GPHN: variants seen among roughly 807,000 people sequenced by gnomAD.
GPHN encodes gephyrin.
In GPHN, 17 loss-of-function variants were observed where a neutral mutation model predicts 95.5. The observed-to-expected ratio is 0.18, with a 90% confidence interval of 0.12 to 0.27. The LOEUF is 0.27. Ranked by LOEUF, GPHN falls within the 10% of genes least tolerant of loss-of-function variation. The probability of loss-of-function intolerance (pLI) is 1.00; values close to 1 mark genes in which losing one functional copy is unlikely to be tolerated. For synonymous variants in GPHN, 320 were observed against 322.5 expected (o/e 0.99, Z 0.08); for missense variants, 660 against 978.1 (o/e 0.67, Z 4.34).
At chr14:67,578,520 T>A in the GPHN span, 1 of 1,586,182 alleles carries the variant, frequency 6.3e-7, no homozygotes, top group Non-Finnish European at 8.6e-7. The surrounding 1 kb of genome is among the most constrained non-coding windows in gnomAD (Gnocchi z 5.0). Context: ...CCACGCTGTC[T>A]GTGTCCCTGG....
chr14:66,892,865 CTTAAAA>C (rs1397795019), intron 5 of GPHN, among the ~76,000 whole-genome samples: 3 of 152,108 alleles, frequency 2.0e-5, no homozygotes, highest in Admixed American at 6.6e-5. Flanking sequence ...GAATTGTATA[CTTAAAA>C]TTAGTTAGAA....
At chr14:67,063,805 T>C (rs1213133325) in intron 11 of GPHN, among the ~76,000 whole-genome samples, 1 of 152,252 alleles carries the variant, frequency 6.6e-6, no homozygotes, top group Non-Finnish European at 1.5e-5. Flanking sequence ...TTGCTGAAGT[T>C]GCTTATCAGC....
chr14:67,329,963 GTTC>G, the GPHN span, among the ~76,000 whole-genome samples: 2 of 151,282 alleles, frequency 1.3e-5, no homozygotes, highest in South Asian at 2.1e-4. Flanking sequence ...CTCTGAATCT[GTTC>G]TTCTAGTATT....
chr14:67,003,012 A>G (rs1038034644), intron 9 of GPHN, among the ~76,000 whole-genome samples: 1 of 151,580 alleles, frequency 6.6e-6, no homozygotes, highest in Non-Finnish European at 1.5e-5. Flanking sequence ...GTCATTGTAA[A>G]GGATATAGAA....
In GPHN at chr14:67,049,806, C is replaced by T. The variant is rs60003073; in HGVS notation, c.1007-8843C>T. On this transcript the variant is annotated intron_variant, in intron 10 of 22. Transcript: ENST00000478722. ...GATTACAGGCGTGAGCCACCGCGCC[C>T]GGCTGAAGTAGGTTTTTTTATTGGC... Among the ~76,000 whole-genome samples the T allele has an allele frequency of 5.5e-3, 835 of 152,260 alleles. 8 individuals are homozygous for T. The highest frequency in any genetic ancestry group is 0.019 in the African/African-American group (777 of 41,554).
intron 1 of GPHN, among the ~76,000 whole-genome samples, chr14:66,537,196 A>G (rs1280582258): frequency 6.6e-6 from 1 of 152,036 alleles, no homozygotes; most frequent in Non-Finnish European, 1.5e-5. Context: ...TAGTTTGACA[A>G]TCTTTGTGCT....
At chr14:67,590,381 T>A in the GPHN span, among the ~76,000 whole-genome samples, 1 of 151,408 alleles carries the variant, frequency 6.6e-6, no homozygotes, top group Admixed American at 6.6e-5. Flanking sequence ...GCCTCCCGAG[T>A]AGCTGGGATT....
At chr14:67,498,435 A>G in the GPHN span, among the ~76,000 whole-genome samples, 1 of 152,216 alleles carries the variant, frequency 6.6e-6, no homozygotes, top group South Asian at 2.1e-4. Context: ...ACAGTATTAT[A>G]ACTAACTTTC....
the GPHN span, among the ~76,000 whole-genome samples, chr14:67,734,663 G>A: frequency 6.6e-6 from 1 of 152,218 alleles, no homozygotes; most frequent in Non-Finnish European, 1.5e-5. Flanking sequence ...ATCCATCTGA[G>A]TTAGGCAGAC....
chr14:67,687,336 C>T, the GPHN span, among the ~76,000 whole-genome samples: 4 of 152,188 alleles, frequency 2.6e-5, no homozygotes, highest in East Asian at 7.7e-4. Context: ...CCTCACCAGT[C>T]TCAGCTCAGA....
At chr14:67,347,970 G>A in the GPHN span, among the ~76,000 whole-genome samples, 1 of 151,050 alleles carries the variant, frequency 6.6e-6, no homozygotes, top group East Asian at 1.9e-4. Context: ...GCAGTGCAGT[G>A]GTGTGGTCTT....
chr14:67,375,776 T>G, the GPHN span, among the ~76,000 whole-genome samples: 1 of 152,232 alleles, frequency 6.6e-6, no homozygotes, highest in South Asian at 2.1e-4. Context: ...CATCACCTGT[T>G]TTTTTAGAAA....
chr14:66,993,633 C>G (rs1161091854), intron 9 of GPHN, among the ~76,000 whole-genome samples: 1 of 152,084 alleles, frequency 6.6e-6, no homozygotes, highest in Non-Finnish European at 1.5e-5. Flanking sequence ...CCTTAAAAAT[C>G]TAAATGGTAT....
chr14:67,020,944 C>T (rs1270609700), intron 9 of GPHN, among the ~76,000 whole-genome samples: 3 of 151,770 alleles, frequency 2.0e-5, no homozygotes, highest in Admixed American at 6.6e-5. Context: ...AAGAAAAAAA[C>T]GAGAAGCCAT....
At chr14:67,297,431 GT>G in the GPHN span, among the ~76,000 whole-genome samples, 24,380 of 151,928 alleles carry the variant, frequency 0.16, 3,305 homozygotes, top group East Asian at 0.41. Flanking sequence ...AATTTTACTA[GT>G]TTTTTTTGTG....
the GPHN span, among the ~76,000 whole-genome samples, chr14:67,391,436 C>T: frequency 0.19 from 28,529 of 151,646 alleles, 4,329 homozygotes; most frequent in East Asian, 0.48. Context: ...TTCCTCCCCT[C>T]GGGAAGGACT....
chr14:66,773,688 G>A (rs992751942), intron 2 of GPHN, among the ~76,000 whole-genome samples: 3 of 152,070 alleles, frequency 2.0e-5, no homozygotes, highest in Non-Finnish European at 4.4e-5. Context: ...TTCCTAGGTC[G>A]TGACTCTCTT....
At chr14:66,743,385 A>C (rs1169107484) in intron 2 of GPHN, among the ~76,000 whole-genome samples, 1 of 152,160 alleles carries the variant, frequency 6.6e-6, no homozygotes, top group East Asian at 1.9e-4. Flanking sequence ...CAGTATATCC[A>C]GCAAACTCCC....
At chr14:67,397,818 A>C in the GPHN span, 2 of 1,610,076 alleles carry the variant, frequency 1.2e-6, no homozygotes, top group Non-Finnish European at 8.5e-7. Context: ...AGTTGTGGAC[A>C]ATGTGGCCCT....
Sources: gnomAD v4.1 joint callset for allele counts (sites outside exome capture counted in the v4.1 genomes callset) on GRCh38, gnomAD v4.1.1 for gene constraint, Gnocchi (gnomAD v3.1) non-coding constraint, MANE v1.5 for transcripts, NCBI Gene and HGNC (gene_info 2026-07-23, HGNC 2026-07-21) for gene names.